RFX3: variants seen among roughly 807,000 people sequenced by gnomAD.
RFX3 encodes regulatory factor X3, also known as transcription factor RFX3.
In RFX3, 14 loss-of-function variants were observed where a neutral mutation model predicts 98.6. That is an observed-to-expected ratio of 0.14 (90% CI 0.09 to 0.22). The LOEUF (loss-of-function observed/expected upper bound fraction) is 0.22. Ranked by LOEUF, RFX3 falls within the 10% of genes least tolerant of loss-of-function variation. The pLI is 1.00. For missense variants in RFX3, 639 were observed against 926.9 expected, an observed-to-expected ratio of 0.69 and a Z score of 4.03; for synonymous variants, 383 against 328.4, an observed-to-expected ratio of 1.17 and a Z score of -1.80.
chr9:3,281,648 A>G (rs565615124), intron 7 of RFX3, among the ~76,000 whole-genome samples: 13 of 151,918 alleles, frequency 8.6e-5, no homozygotes, highest in Middle Eastern at 3.4e-3. Context: ...AAAGTTGTTA[A>G]TGATTAAGAA....
chr9:3,300,892 T>A (rs1195627996), intron 5 of RFX3, among the ~76,000 whole-genome samples: 1 of 151,932 alleles, frequency 6.6e-6, no homozygotes, highest in Non-Finnish European at 1.5e-5. Flanking sequence ...ACCAGTGTCA[T>A]AGTGATATCT....
chr9:3,396,676 A>G (rs1840922674), intron 1 of RFX3, among the ~76,000 whole-genome samples: 1 of 152,016 alleles, frequency 6.6e-6, no homozygotes, highest in African/African-American at 2.4e-5. Flanking sequence ...AAGTGTTCCT[A>G]TTTCTCCACA....
chr9:3,468,504 C>T (rs1848501999), intron 1 of RFX3, among the ~76,000 whole-genome samples: 1 of 152,174 alleles, frequency 6.6e-6, no homozygotes, highest in Non-Finnish European at 1.5e-5. Flanking sequence ...AGAAACTTTG[C>T]TGTCAATCAC....
chr9:3,475,212 C>A (rs116679774), intron 1 of RFX3, among the ~76,000 whole-genome samples: 1 of 151,978 alleles, frequency 6.6e-6, no homozygotes, highest in Non-Finnish European at 1.5e-5. Context: ...ATCTTGAACA[C>A]TGTAGGGTCC....
chr9:3,518,551 T>C (rs1031031218), intron 1 of RFX3, among the ~76,000 whole-genome samples: 1 of 152,186 alleles, frequency 6.6e-6, no homozygotes, highest in Admixed American at 6.5e-5. Context: ...AACTGAAATA[T>C]ATAAGTCAAA....
At position 3,219,118 on chromosome 9, in the gene RFX3, A is replaced by C. The variant is rs1817215090; in HGVS notation, c.*5924T>G. The C allele has an allele frequency of 1.3e-5, 2 of 152,194 alleles. No individual in the cohort carries two copies. The highest frequency in any genetic ancestry group is 2.9e-5 in the Non-Finnish European group (2 of 68,026). The allele number at this position is 152,194 out of a possible 1,614,324, so 9.4% of individuals were successfully genotyped here. A position where few individuals can be genotyped will look rare whatever the true frequency, so the allele number is the denominator to read the frequency against. On this transcript the variant is annotated 3_prime_UTR_variant, in exon 17 of 17. Coordinates refer to ENST00000617270, the MANE Select transcript of RFX3 (RefSeq NM_001282116.2). ...GCATTGGTCACCACCATAGGTCCAA[A>C]TTGATGATGGAAATGAGTAGAGAAA...
At chr9:3,496,133 G>C (rs146945405) in intron 1 of RFX3, among the ~76,000 whole-genome samples, 132 of 151,992 alleles carry the variant, frequency 8.7e-4, no homozygotes, top group South Asian at 1.9e-3. Flanking sequence ...AGTCACTTCT[G>C]CTCATACAGA....
At position 3,403,994 on chromosome 9, in the gene RFX3, G is replaced by C. The variant is rs186044118; in HGVS notation, c.-8-8398C>G. Among the ~76,000 whole-genome samples, 63 of 152,208 alleles carry C rather than the reference G, an allele frequency of 4.1e-4. 1 individual carries two copies. In the East Asian group the frequency reaches 0.011, roughly 27 times the overall value. ...TTTCTTTTAATAAAAGTGCAGAATA[G>C]AGTCTTTTGCAGTTCCTAACTATTC... On this transcript the variant is annotated intron_variant, in intron 1 of 16. Coordinates refer to ENST00000617270, the MANE Select transcript of RFX3 (RefSeq NM_001282116.2).
chr9:3,492,621 G>A (rs1003987836), intron 1 of RFX3, among the ~76,000 whole-genome samples: 35 of 152,184 alleles, frequency 2.3e-4, no homozygotes, highest in African/African-American at 3.1e-4. Context: ...TGCAAGGGGT[G>A]GGGCAACATT....
intron 2 of RFX3, among the ~76,000 whole-genome samples, chr9:3,363,856 T>C (rs1836750830): frequency 1.3e-5 from 2 of 152,140 alleles, no homozygotes; most frequent in African/African-American, 4.8e-5. Context: ...TAAGTAACAA[T>C]AAATCATATA....
chr9:3,245,048 A>G (rs1820473200), intron 15 of RFX3, among the ~76,000 whole-genome samples: 1 of 152,218 alleles, frequency 6.6e-6, no homozygotes. Flanking sequence ...TAGAAGTAGA[A>G]TTCACTTCTG....
At chr9:3,336,925 T>C (rs1833254635) in intron 3 of RFX3, among the ~76,000 whole-genome samples, 1 of 152,204 alleles carries the variant, frequency 6.6e-6, no homozygotes, top group Non-Finnish European at 1.5e-5. Flanking sequence ...TGTGTGTGAA[T>C]GCCTGGGTAT....
At chr9:3,263,105 G>A (rs1485859933) in intron 12 of RFX3, 21 bp from the exon 13 acceptor site, 1 of 1,609,004 alleles carries the variant, frequency 6.2e-7, no homozygotes, top group African/African-American at 1.3e-5. Context: ...ATCCAATTAA[G>A]TTGGGATTCT....
At chr9:3,393,233 T>C (rs973917085) in intron 2 of RFX3, among the ~76,000 whole-genome samples, 3 of 152,114 alleles carry the variant, frequency 2.0e-5, no homozygotes, top group African/African-American at 7.2e-5. Context: ...TCAATGTAGT[T>C]GCCTATGAGG....
At chr9:3,378,903 G>A (rs1170534913) in intron 2 of RFX3, among the ~76,000 whole-genome samples, 3 of 152,102 alleles carry the variant, frequency 2.0e-5, no homozygotes, top group Non-Finnish European at 2.9e-5. Flanking sequence ...CTAGAATAGA[G>A]ATGCTCCATT....
chr9:3,523,058 T>C (rs1818877052), intron 1 of RFX3, among the ~76,000 whole-genome samples: 1 of 152,184 alleles, frequency 6.6e-6, no homozygotes, highest in Non-Finnish European at 1.5e-5. Flanking sequence ...TAGAAATTCA[T>C]TAGTTTGCCA....
chr9:3,455,773 A>C (rs2132952504), intron 1 of RFX3, among the ~76,000 whole-genome samples: 1 of 152,346 alleles, frequency 6.6e-6, no homozygotes, highest in South Asian at 2.1e-4. Context: ...TTTTATAATA[A>C]AGTTCCCAGA....
At chr9:3,273,893 C>G (rs1292830817) in intron 9 of RFX3, among the ~76,000 whole-genome samples, 7 of 150,860 alleles carry the variant, frequency 4.6e-5, no homozygotes, top group African/African-American at 1.7e-4. Context: ...TCCATATAGG[C>G]TGGTTTGCTT....
At position 3,295,567 on chromosome 9, in the gene RFX3, G is replaced by C. The variant is rs182516690; in HGVS notation, c.550-2309C>G. The stretch of plus-strand genomic sequence containing the variant: ...AAAAATGTAAATACTTTTTGAAACA[G>C]AGTAGTATTTTTCAACTAAACTAAT... On this transcript the variant is annotated intron_variant, in intron 5 of 16. Coordinates refer to ENST00000617270, the MANE Select transcript of RFX3 (RefSeq NM_001282116.2). 3.6e-3 allele frequency among the ~76,000 whole-genome samples: 553 copies of C among 152,194 alleles called. 1 individual carries two copies. The highest frequency in any genetic ancestry group is 6.2e-3 in the Non-Finnish European group (419 of 67,980).
Sources: gnomAD v4.1 joint callset for allele counts (sites outside exome capture counted in the v4.1 genomes callset) on GRCh38, gnomAD v4.1.1 for gene constraint, MANE v1.5 for transcripts, NCBI Gene and HGNC (gene_info 2026-07-23, HGNC 2026-07-21) for gene names.